KSR1: variants seen among roughly 807,000 people sequenced by gnomAD.
The protein encoded by KSR1 is kinase suppressor of ras.
In KSR1, 35 loss-of-function variants were observed where a neutral mutation model predicts 92.9. That is an observed-to-expected ratio of 0.38 (90% confidence interval 0.29 to 0.50). The LOEUF (loss-of-function observed/expected upper bound fraction) is 0.50, where lower values mean the gene tolerates loss of function less well. KSR1 is among the 20% of genes least tolerant of loss of function. The pLI, the probability that KSR1 is intolerant of heterozygous loss-of-function variation, is 0.94. For missense variants in KSR1, 972 were observed against 1,158.5 expected (o/e 0.84, Z 2.34); for synonymous variants, 467 against 472.6 (o/e 0.99, Z 0.15).
At chr17:27,468,178 G>A (rs972545649) in intron 1 of KSR1, among the ~76,000 whole-genome samples, 4 of 151,330 alleles carry the variant, frequency 2.6e-5, no homozygotes, top group African/African-American at 7.3e-5. Flanking sequence ...TAGAGAGAAT[G>A]TTGTGACCAC....
intron 1 of KSR1, among the ~76,000 whole-genome samples, chr17:27,514,694 A>AGG (rs2069725010): frequency 6.6e-6 from 1 of 152,014 alleles, no homozygotes; most frequent in Admixed American, 6.6e-5. Flanking sequence ...AAGAAAAGTA[A>AGG]CACTGGAAGT....
intron 19 of KSR1, among the ~76,000 whole-genome samples, chr17:27,619,554 C>T (rs1246134068): frequency 6.6e-5 from 10 of 151,570 alleles, no homozygotes; most frequent in African/African-American, 1.9e-4. Context: ...CACGCTACCA[C>T]ACCCGGCTAA....
intron 2 of KSR1, among the ~76,000 whole-genome samples, chr17:27,570,619 A>T (rs889778264): frequency 6.6e-6 from 1 of 152,024 alleles, no homozygotes; most frequent in Non-Finnish European, 1.5e-5. Context: ...GTGAGCCCCT[A>T]TTTGCTTTGT....
At chr17:27,553,851 A>G (rs2071492949) in intron 2 of KSR1, among the ~76,000 whole-genome samples, 1 of 152,176 alleles carries the variant, frequency 6.6e-6, no homozygotes, top group African/African-American at 2.4e-5. Flanking sequence ...TACCTCTGAG[A>G]GTTTCTCCTT....
rs763126220 is a variant in KSR1, at chr17:27,582,996, C to G, written c.871C>G (p.Pro291Ala). ...TKLKPPRTPP[P>A]PSRKVFQLLP... ...GCTGAAGCCACCACGGACGCCCCCC[C>G]CACCCAGCCGCAAGGTCTTCCAGCT... The change falls in exon 4 of 21, where the codon CCA becomes GCA. Residue 291 changes from proline to alanine, a missense_variant. Around this residue, in one of 5 missense-constraint regions of KSR1, gnomAD observed 611 missense variants for 668.0 expected, o/e 0.91. Transcript: ENST00000644974. 2.9e-5 allele frequency: 46 copies of G among 1,609,146 alleles called. No homozygotes were observed. Among genetic ancestry groups the G allele is most frequent in the Admixed American group, 1.2e-4 (7 of 59,602 alleles).
chr17:27,488,355 A>G (rs1422133044), intron 1 of KSR1, among the ~76,000 whole-genome samples: 1 of 150,246 alleles, frequency 6.7e-6, no homozygotes, highest in Non-Finnish European at 1.5e-5. Flanking sequence ...TCTGGCTCAC[A>G]TGTCTTGTTT....
In KSR1 at chr17:27,487,664, T is replaced by C. The variant is rs551500909; in HGVS notation, c.231+30790T>C. Among the ~76,000 whole-genome samples the C allele has an allele frequency of 2.7e-5, 4 of 150,140 alleles. No individual in the cohort carries two copies. The South Asian group carries it at 8.3e-4, about 31-fold the overall frequency. On this transcript the variant is annotated intron_variant, in intron 1 of 20. Coordinates refer to ENST00000644974, the MANE Select transcript of KSR1 (RefSeq NM_001394583.1). ...CATGGCTGTACAAACATAAATTTTA[T>C]GGTTTTTTTTTAGAGGCGGCGTCTC...
chr17:27,600,090 CTT>C (rs552526373), intron 10 of KSR1, among the ~76,000 whole-genome samples: 6 of 115,302 alleles, frequency 5.2e-5, no homozygotes, highest in Non-Finnish European at 5.2e-5. Context: ...TTACAGATAA[CTT>C]TTTTTTTTTT....
intron 13 of KSR1, among the ~76,000 whole-genome samples, chr17:27,605,163 G>C (rs192535284): frequency 1.3e-4 from 20 of 152,376 alleles, no homozygotes; most frequent in Admixed American, 7.2e-4. Context: ...TGGACAATTA[G>C]ATGTTGCTCA....
chr17:27,602,478 G>A (rs944165062), intron 11 of KSR1, among the ~76,000 whole-genome samples: 1 of 152,200 alleles, frequency 6.6e-6, no homozygotes, highest in Admixed American at 6.5e-5. Flanking sequence ...TCACAGGGAG[G>A]GCAAGGAAAT....
chr17:27,596,715 C>T (rs183947479), intron 9 of KSR1, among the ~76,000 whole-genome samples: 5 of 152,228 alleles, frequency 3.3e-5, no homozygotes, highest in Admixed American at 6.5e-5. Context: ...AAGGACTGTA[C>T]ACCTCTCGCT....
chr17:27,471,375 TTAGATGGG>T (rs2019992779), intron 1 of KSR1, among the ~76,000 whole-genome samples: 4 of 152,012 alleles, frequency 2.6e-5, no homozygotes, highest in Admixed American at 2.6e-4. Context: ...GGTGACTTCT[TTAGATGGG>T]GTGATCGGGA....
At chr17:27,604,648 A>G (rs771168062) in intron 12 of KSR1, 32 bp from the exon 13 acceptor site, 6 of 1,610,490 alleles carry the variant, frequency 3.7e-6, no homozygotes, top group Non-Finnish European at 5.1e-6. Context: ...GTGTTCCTCA[A>G]GGTCTCCTTG....
chr17:27,597,127 T>C, intron 9 of KSR1, 141 bp from the exon 10 acceptor site: 1 of 913,780 alleles, frequency 1.1e-6, no homozygotes, highest in South Asian at 1.6e-5. Flanking sequence ...CTTCCTCAAA[T>C]GTTAGATGTG....
At chr17:27,478,474 A>G (rs952575167) in intron 1 of KSR1, among the ~76,000 whole-genome samples, 11 of 152,186 alleles carry the variant, frequency 7.2e-5, no homozygotes, top group Non-Finnish European at 7.3e-5. Flanking sequence ...ACGTCACCAC[A>G]TTGGTCATGA....
At chr17:27,495,561 G>A (rs1332001828) in intron 1 of KSR1, among the ~76,000 whole-genome samples, 1 of 152,186 alleles carries the variant, frequency 6.6e-6, no homozygotes, top group Non-Finnish European at 1.5e-5. Context: ...CAGGAGGGAG[G>A]CTTGGAGATC....
chr17:27,599,190 G>T (rs2073456476), intron 10 of KSR1, among the ~76,000 whole-genome samples: 1 of 152,234 alleles, frequency 6.6e-6, no homozygotes, highest in Non-Finnish European at 1.5e-5. Flanking sequence ...GTAGGCAATT[G>T]TAGCACAATG....
chr17:27,554,415 A>G (rs1209927728), intron 2 of KSR1, among the ~76,000 whole-genome samples: 3 of 152,356 alleles, frequency 2.0e-5, no homozygotes, highest in East Asian at 3.9e-4. Context: ...GAACGTGTTT[A>G]CAGTTGCTCC....
Position 27,605,503 on chromosome 17 carries a change from T to C in KSR1, c.1684T>C (p.Ser562Pro), listed in dbSNP as rs757111526. 6.2e-7 allele frequency: 1 copy of C among 1,604,206 alleles called. No homozygotes were observed. The highest frequency in any genetic ancestry group is 8.5e-7 in the Non-Finnish European group (1 of 1,176,242). The change falls in exon 14 of 21, where the codon TCT (serine) becomes CCT (proline). Residue 562 changes from serine (S) to proline (P), a missense_variant. Coordinates refer to ENST00000644974, the MANE Select transcript of KSR1 (RefSeq NM_001394583.1). ...GGACGAGGTGGACGACTTGCCGAGCTCTCGCCGGCCCTGGCGGGGCCCCAT... is the reference window on the plus strand; with the variant it reads ...GGACGAGGTGGACGACTTGCCGAGCCCTCGCCGGCCCTGGCGGGGCCCCAT... ...DEDEVDDLPSSRRPWRGPISR... is the reference protein window; with the variant it reads ...DEDEVDDLPSPRRPWRGPISR...
Sources: gnomAD v4.1 joint callset for allele counts (sites outside exome capture counted in the v4.1 genomes callset) on GRCh38, gnomAD v4.1.1 for gene constraint, gnomAD v4.1.1 regional missense constraint, MANE v1.5 for transcripts, NCBI Gene and HGNC (gene_info 2026-07-23, HGNC 2026-07-21) for gene names.